The following RREB1 variants were observed in gnomAD, a reference collection of about 807,000 sequenced individuals.
RREB1 encodes the protein ras responsive element binding protein 1, also known as ras-responsive element-binding protein 1.
In RREB1, 27 loss-of-function variants were observed where a neutral mutation model predicts 117.8. That is an observed-to-expected ratio of 0.23 (90% CI 0.17 to 0.32). RREB1 has a LOEUF of 0.32. RREB1 is among the 10% of genes least tolerant of loss of function. RREB1 has a pLI of 1.00. For missense variants in RREB1, 2,577 were observed against 2,378.2 expected (o/e 1.08, Z -1.74); for synonymous variants, 1,298 against 1,026.7 (o/e 1.26, Z -5.05).
chr6:7,125,681 C>T (rs1761874020), intron 1 of RREB1, among the ~76,000 whole-genome samples: 1 of 152,098 alleles, frequency 6.6e-6, no homozygotes, highest in East Asian at 1.9e-4. Context: ...AAGGTTTTGC[C>T]TCAGAACTGG....
chr6:7,242,705 G>GA (rs998288263), intron 11 of RREB1, among the ~76,000 whole-genome samples: 1 of 151,136 alleles, frequency 6.6e-6, no homozygotes, highest in East Asian at 1.9e-4. Flanking sequence ...AAAAAAGGGG[G>GA]GGGGGGAAGG....
chr6:7,209,114 A>G (rs924980041), intron 6 of RREB1, among the ~76,000 whole-genome samples: 1 of 152,216 alleles, frequency 6.6e-6, no homozygotes, highest in Non-Finnish European at 1.5e-5. Flanking sequence ...CAAGAACAAA[A>G]TAATTACCAT....
At chr6:7,207,510 C>T (rs748068836) in intron 6 of RREB1, among the ~76,000 whole-genome samples, 1 of 152,146 alleles carries the variant, frequency 6.6e-6, no homozygotes, top group Non-Finnish European at 1.5e-5. Context: ...TTGTGATTGA[C>T]AACAAACTTG....
At chr6:7,173,389 C>T (rs776198915) in intron 1 of RREB1, among the ~76,000 whole-genome samples, 1 of 151,334 alleles carries the variant, frequency 6.6e-6, no homozygotes, top group Non-Finnish European at 1.5e-5. Context: ...TGGTGGTGCA[C>T]GGCTGAGGTA....
chr6:7,231,222 GCTGCGTCCA>G lies in RREB1; in HGVS notation c.3129_3137del (p.Leu1045_Pro1047del), dbSNP rs1470933039. ...CAGCCCTCCTGAGTGGCACAGCCTT[GCTGCGTCCA>G]CTGCGGCCCAAGCCCCCGCTGCTTT... On this transcript the variant is annotated inframe_deletion, in exon 10 of 13. Transcript: ENST00000379938. The G allele has an allele frequency of 6.2e-7, 1 of 1,612,498 alleles. No homozygotes were observed. Among genetic ancestry groups the G allele is most frequent in the Non-Finnish European group, 8.5e-7 (1 of 1,179,848 alleles).
At position 7,211,585 on chromosome 6, in the gene RREB1, G is replaced by A. The variant is rs1334576; in HGVS notation, c.583G>A (p.Gly195Arg). 688,521 of 1,612,650 alleles carry A rather than the reference G, an allele frequency of 0.43. 149,693 individuals are homozygous for A. The highest frequency in any genetic ancestry group is 0.57 in the South Asian group (51,549 of 91,050). Residue 195 changes from glycine (G) to arginine (R), a missense_variant, in exon 8 of 13, where the codon GGG becomes AGG. Transcript: ENST00000379938. ...CCTTTTCCCTCAGATGGTAGAAGAC[G>A]GGCAGTCAGGTGACTTGGAGAAGAA... ...PAPAKKMVEDGQSGDLEKKAD... is the reference protein window; with the variant it reads ...PAPAKKMVEDRQSGDLEKKAD...
rs1233706327 is a variant in RREB1, at chr6:7,246,948, C to T, written c.4498C>T (p.Pro1500Ser). ...GCCCGCCCCTGAACAGGAGGAGAAG[C>T]CCCCCGAGACCCCGGCAGAGGTGGT... ...PQPAPEQEEK[P>S]PETPAEVVES... The change falls in exon 12 of 13, where the codon CCC (proline) becomes TCC (serine). Residue 1500 changes from proline to serine, a missense_variant. By Grantham distance (74) the Pro-to-Ser change is moderately conservative. Coordinates refer to ENST00000379938, the MANE Select transcript of RREB1 (RefSeq NM_001003699.4). 1.9e-6 allele frequency: 3 copies of T among 1,557,780 alleles called. No individual in the cohort carries two copies. The highest frequency in any genetic ancestry group is 1.2e-5 in the South Asian group (1 of 85,024).
chr6:7,167,911 TCA>T (rs1764028598), intron 1 of RREB1, among the ~76,000 whole-genome samples: 1 of 152,152 alleles, frequency 6.6e-6, no homozygotes. Context: ...GAACTGAGGC[TCA>T]GAGTTCGGTG....
intron 6 of RREB1, among the ~76,000 whole-genome samples, chr6:7,206,622 C>G (rs577172226): frequency 9.8e-6 from 1 of 102,130 alleles, no homozygotes; most frequent in Non-Finnish European, 1.9e-5. Context: ...GACAGTCAGA[C>G]GAGTAAAATA....
chr6:7,243,246 A>T (rs1305169416), intron 11 of RREB1, among the ~76,000 whole-genome samples: 4 of 152,224 alleles, frequency 2.6e-5, no homozygotes, highest in Admixed American at 1.3e-4. Flanking sequence ...GTAGTCTGTC[A>T]CAGTGGTTGA....
chr6:7,217,631 A>G (rs1016770745), intron 8 of RREB1: 1 of 152,192 alleles, frequency 6.6e-6, no homozygotes, highest in Non-Finnish European at 1.5e-5. Context: ...TGGTTTCCCT[A>G]TCTGGAAAAT....
chr6:7,156,625 T>C (rs1037866874), intron 1 of RREB1, among the ~76,000 whole-genome samples: 7 of 152,256 alleles, frequency 4.6e-5, no homozygotes, highest in African/African-American at 1.2e-4. Context: ...TTTGGAGACC[T>C]GGTGCCCTTG....
At chr6:7,208,949 T>C (rs987880147) in intron 6 of RREB1, among the ~76,000 whole-genome samples, 2 of 152,114 alleles carry the variant, frequency 1.3e-5, no homozygotes, top group African/African-American at 4.8e-5. Flanking sequence ...ATAGGTCGGC[T>C]CAAGCTCTGA....
At chr6:7,202,813 C>T (rs1376512367) in intron 6 of RREB1, among the ~76,000 whole-genome samples, 4 of 152,152 alleles carry the variant, frequency 2.6e-5, no homozygotes, top group African/African-American at 9.7e-5. Flanking sequence ...TGGACTCACC[C>T]AGGAAGGTCC....
At chr6:7,122,411 G>A (rs1049082662) in intron 1 of RREB1, among the ~76,000 whole-genome samples, 3 of 152,192 alleles carry the variant, frequency 2.0e-5, no homozygotes, top group Non-Finnish European at 4.4e-5. Flanking sequence ...GACTACAGGC[G>A]GGCACCGCCA....
chr6:7,159,711 TAGTA>T (rs2113457465), intron 1 of RREB1, among the ~76,000 whole-genome samples: 1 of 152,188 alleles, frequency 6.6e-6, no homozygotes, highest in African/African-American at 2.4e-5. Flanking sequence ...CTGATGGCAG[TAGTA>T]AGTAAGGAAA....
intron 8 of RREB1, among the ~76,000 whole-genome samples, chr6:7,220,927 C>T (rs932235316): frequency 2.6e-5 from 4 of 152,180 alleles, no homozygotes; most frequent in East Asian, 1.9e-4. Flanking sequence ...TGCCTGCAGC[C>T]GGCTTTGCAT....
At chr6:7,120,675 ATT>A (rs5874078) in intron 1 of RREB1, among the ~76,000 whole-genome samples, 135 of 145,604 alleles carry the variant, frequency 9.3e-4, no homozygotes, top group Middle Eastern at 7.1e-3. Context: ...ATGTACACCT[ATT>A]TTTTTTTTTT....
At chr6:7,130,929 CTTTTTTTTTTTTTTTTT>C (rs61305060) in intron 1 of RREB1, among the ~76,000 whole-genome samples, 1 of 45,718 alleles carries the variant, frequency 2.2e-5, no homozygotes, top group Non-Finnish European at 3.6e-5. Context: ...ATAGTCATGT[CTTTTTTTTTTTTTTTTT>C]TTTTTTTTTT....
Sources: gnomAD v4.1 joint callset for allele counts (sites outside exome capture counted in the v4.1 genomes callset) on GRCh38, gnomAD v4.1.1 for gene constraint, MANE v1.5 for transcripts, NCBI Gene and HGNC (gene_info 2026-07-23, HGNC 2026-07-21) for gene names.